DLGAP2: variants seen among roughly 807,000 people sequenced by gnomAD.
DLGAP2 encodes the protein disks large-associated protein 2.
DLGAP2 carries 26 observed loss-of-function variants against 100.3 expected under a neutral mutation model. The observed-to-expected ratio is 0.26, with a 90% CI of 0.19 to 0.36. DLGAP2 has a LOEUF of 0.36. DLGAP2 is among the 10% of genes least tolerant of loss of function. The pLI, the probability that DLGAP2 is intolerant of heterozygous loss-of-function variation, is 1.00. For synonymous variants in DLGAP2, 886 were observed against 630.1 expected, an observed-to-expected ratio of 1.41 and a Z score of -6.08; for missense variants, 1,858 against 1,453.2, an observed-to-expected ratio of 1.28 and a Z score of -4.53.
intron 6 of DLGAP2, among the ~76,000 whole-genome samples, chr8:1,575,836 A>G (rs1254708634): frequency 6.6e-6 from 1 of 151,878 alleles, no homozygotes; most frequent in African/African-American, 2.4e-5. Context: ...CATGGTGTAT[A>G]TGTGCCACAT....
At chr8:1,190,453 C>T (rs184495611) in intron 2 of DLGAP2, among the ~76,000 whole-genome samples, 10 of 151,880 alleles carry the variant, frequency 6.6e-5, no homozygotes, top group Non-Finnish European at 1.5e-4. Context: ...GGAGTCGCTC[C>T]CCTGTGACAC....
At chr8:1,155,875 G>T (rs186880943) in intron 2 of DLGAP2, among the ~76,000 whole-genome samples, 2 of 152,268 alleles carry the variant, frequency 1.3e-5, no homozygotes, top group African/African-American at 4.8e-5. Context: ...GGAAGGACGC[G>T]CTGTCTGCAT....
At chr8:1,019,736 C>T (rs151270840) in intron 2 of DLGAP2, 87 of 152,296 alleles carry the variant, frequency 5.7e-4, no homozygotes, top group African/African-American at 2.0e-3. Context: ...GATTCTTTCA[C>T]CCTGAGGTGT....
At chr8:1,261,573 TG>T in intron 3 of DLGAP2, among the ~76,000 whole-genome samples, 1 of 16,228 alleles carries the variant, frequency 6.2e-5, no homozygotes, top group Non-Finnish European at 1.2e-4. Flanking sequence ...GAGGGGGGGC[TG>T]GGCAGTGGGG....
chr8:1,273,207 C>T (rs1355430425), intron 3 of DLGAP2, among the ~76,000 whole-genome samples: 1 of 152,194 alleles, frequency 6.6e-6, no homozygotes, highest in African/African-American at 2.4e-5. Context: ...GGGGGCCCTC[C>T]CACCAGCCAC....
intron 2 of DLGAP2, among the ~76,000 whole-genome samples, chr8:1,202,248 G>A (rs1156699174): frequency 2.4e-5 from 1 of 41,968 alleles, no homozygotes; most frequent in Non-Finnish European, 4.3e-5. Flanking sequence ...TGCAGTGTGT[G>A]TGTGTGTGTG....
chr8:1,472,456 C>T (rs1489339369), intron 3 of DLGAP2, among the ~76,000 whole-genome samples: 1 of 152,038 alleles, frequency 6.6e-6, no homozygotes, highest in Non-Finnish European at 1.5e-5. Context: ...TACATATTTC[C>T]AGAATTGCTT....
intron 5 of DLGAP2, among the ~76,000 whole-genome samples, chr8:1,552,273 T>C (rs1801795955): frequency 6.6e-6 from 1 of 152,202 alleles, no homozygotes; most frequent in Non-Finnish European, 1.5e-5. Context: ...AGCCACGGCT[T>C]TCATGGCGCT....
At position 831,803 on chromosome 8, in the gene DLGAP2, A is replaced by G. The variant is rs544091448; in HGVS notation, c.19-76109A>G. 9.9e-5 allele frequency among the ~76,000 whole-genome samples: 15 copies of G among 152,264 alleles called. No homozygotes were observed. In the South Asian group the frequency reaches 2.3e-3, roughly 23 times the overall value. On this transcript the variant is annotated intron_variant, in intron 1 of 14. Coordinates refer to ENST00000637795, the MANE Select transcript of DLGAP2 (RefSeq NM_001346810.2). Reference sequence around the variant, plus strand: ...AGGAATGGCCACACTGTCTTTCACAATGGTTGAACTAATTTACATTCCCAC... The same window carrying G: ...AGGAATGGCCACACTGTCTTTCACAGTGGTTGAACTAATTTACATTCCCAC...
chr8:785,194 C>T (rs1253003454), intron 1 of DLGAP2, among the ~76,000 whole-genome samples: 1 of 119,392 alleles, frequency 8.4e-6, no homozygotes, highest in Non-Finnish European at 1.6e-5. Flanking sequence ...TTTGGCCTGG[C>T]CTGGGCGACA....
chr8:1,641,942 G>C (rs111620599), intron 8 of DLGAP2, among the ~76,000 whole-genome samples: 1,196 of 108,180 alleles, frequency 0.011, 57 homozygotes, highest in African/African-American at 0.054. Flanking sequence ...CCTCGACCCC[G>C]CCGGTCCTCA....
intron 2 of DLGAP2, among the ~76,000 whole-genome samples, chr8:1,096,540 C>T (rs1208314366): frequency 2.6e-5 from 4 of 151,896 alleles, no homozygotes; most frequent in Non-Finnish European, 4.4e-5. Context: ...AGCGTGAGGC[C>T]CACCTCCCTG....
intron 3 of DLGAP2, among the ~76,000 whole-genome samples, chr8:1,484,587 C>G (rs950080389): frequency 2.6e-5 from 4 of 152,232 alleles, no homozygotes; most frequent in African/African-American, 9.6e-5. Context: ...GAGGTTCACG[C>G]TGATTCAGAG....
intron 4 of DLGAP2, among the ~76,000 whole-genome samples, chr8:1,547,768 C>G (rs1234236404): frequency 6.6e-6 from 1 of 152,170 alleles, no homozygotes; most frequent in African/African-American, 2.4e-5. Flanking sequence ...CAGAAGGACA[C>G]AGGGAGGAGT....
rs1278088425 is a variant in DLGAP2 at position 1,556,869 on chromosome 8, G to C, written c.1230+7186G>C. Among the ~76,000 whole-genome samples the C allele has an allele frequency of 3.9e-5, 6 of 152,234 alleles. No homozygotes were observed. The South Asian group carries it at 1.0e-3, about 26-fold the overall frequency. On this transcript the variant is annotated intron_variant, in intron 5 of 14. Coordinates refer to ENST00000637795, the MANE Select transcript of DLGAP2 (RefSeq NM_001346810.2). ...GGGTGGATTTGAGCAGCATCGCGAA[G>C]ATCTCTTCAGCTGAGATGTACATCC... is the stretch of plus-strand genomic sequence containing the variant.
At chr8:884,113 G>A (rs1377595851) in intron 1 of DLGAP2, among the ~76,000 whole-genome samples, 1 of 152,204 alleles carries the variant, frequency 6.6e-6, no homozygotes, top group Non-Finnish European at 1.5e-5. Flanking sequence ...ATACGCATGT[G>A]TCTTTGCAGT....
chr8:1,606,145 GT>G (rs994475534), intron 6 of DLGAP2, among the ~76,000 whole-genome samples: 4 of 151,868 alleles, frequency 2.6e-5, no homozygotes, highest in African/African-American at 4.8e-5. Context: ...GTACCAGTGG[GT>G]TTTTTTTGAA....
At chr8:1,092,138 G>T (rs1014427957) in intron 2 of DLGAP2, among the ~76,000 whole-genome samples, 3 of 152,290 alleles carry the variant, frequency 2.0e-5, no homozygotes, top group African/African-American at 7.2e-5. Context: ...TTCATACCCA[G>T]AACAGGCTCT....
chr8:988,938 C>G (rs1167943465), intron 2 of DLGAP2, among the ~76,000 whole-genome samples: 1 of 152,208 alleles, frequency 6.6e-6, no homozygotes, highest in African/African-American at 2.4e-5. Context: ...TCTCCACATG[C>G]TGTGGATTTT....
Sources: gnomAD v4.1 joint callset for allele counts (sites outside exome capture counted in the v4.1 genomes callset) on GRCh38, gnomAD v4.1.1 for gene constraint, MANE v1.5 for transcripts, NCBI Gene and HGNC (gene_info 2026-07-23, HGNC 2026-07-21) for gene names.